The following LPAR1 variants were observed in gnomAD, a reference collection of about 807,000 sequenced individuals.
The protein encoded by LPAR1 is LPA receptor 1.
In LPAR1, 5 loss-of-function variants were observed where a neutral mutation model predicts 23.8. The observed-to-expected ratio is 0.21, with a 90% CI of 0.11 to 0.44. LPAR1 has a LOEUF of 0.44. LPAR1 is among the 20% of genes least tolerant of loss of function. The probability of loss-of-function intolerance (pLI) is 0.99; values close to 1 mark genes in which losing one functional copy is unlikely to be tolerated. For missense variants in LPAR1, 311 were observed against 482.8 expected (o/e 0.64, Z 3.33); for synonymous variants, 160 against 164.7 (o/e 0.97, Z 0.22).
chr9:110,938,576 A>G (rs1487136725), intron 5 of LPAR1, among the ~76,000 whole-genome samples: 2 of 152,060 alleles, frequency 1.3e-5, no homozygotes, highest in Non-Finnish European at 2.9e-5. Flanking sequence ...GTGGGGGCCC[A>G]GGCATGGTGG....
intron 5 of LPAR1, among the ~76,000 whole-genome samples, chr9:110,931,411 T>TG (rs1434107777): frequency 6.6e-6 from 1 of 152,232 alleles, no homozygotes; most frequent in Non-Finnish European, 1.5e-5. Context: ...GTCATACTCA[T>TG]TAACAGAGAG....
At chr9:110,984,606 C>A (rs1271376168) in intron 2 of LPAR1, among the ~76,000 whole-genome samples, 1 of 152,004 alleles carries the variant, frequency 6.6e-6, no homozygotes, top group African/African-American at 2.4e-5. Context: ...AGTGAGATTG[C>A]TGGATCATAT....
rs140878877 is a variant in LPAR1, at chr9:110,964,459, A to C, written c.45+7614T>G. 3.7e-4 allele frequency among the ~76,000 whole-genome samples: 57 copies of C among 152,340 alleles called. No individual in the cohort carries two copies. The Middle Eastern group carries it at 0.014, about 36-fold the overall frequency. ...TAAGCAAATTATTTTTTAGATATGC[A>C]TATTAACATAAGGGGATTTTTTAAA... On this transcript the variant is annotated intron_variant, in intron 4 of 5. Coordinates refer to ENST00000683809, the MANE Select transcript of LPAR1 (RefSeq NM_001351411.2).
At chr9:110,911,790 T>C (rs1479053451) in intron 5 of LPAR1, among the ~76,000 whole-genome samples, 2 of 152,162 alleles carry the variant, frequency 1.3e-5, no homozygotes, top group African/African-American at 4.8e-5. Context: ...CCAAAAAATT[T>C]GTGTGACTCA....
At chr9:110,961,617 CAAAAAAAAAAAAA>C (rs57773067) in intron 4 of LPAR1, among the ~76,000 whole-genome samples, 1 of 79,864 alleles carries the variant, frequency 1.3e-5, no homozygotes, top group Non-Finnish European at 2.4e-5. Context: ...GAGACTATCT[CAAAAAAAAAAAAA>C]AAAAAAAAAA....
At chr9:110,919,001 AC>A (rs1337060653) in intron 5 of LPAR1, among the ~76,000 whole-genome samples, 6 of 152,124 alleles carry the variant, frequency 3.9e-5, no homozygotes, top group Non-Finnish European at 7.4e-5. Context: ...TGTGAGCAGA[AC>A]CTGTAACTTG....
intron 2 of LPAR1, among the ~76,000 whole-genome samples, chr9:111,026,777 G>A (rs983063040): frequency 1.3e-5 from 2 of 152,182 alleles, no homozygotes; most frequent in Non-Finnish European, 2.9e-5. Flanking sequence ...TGCATCTATT[G>A]AGATAATCAT....
intron 5 of LPAR1, among the ~76,000 whole-genome samples, chr9:110,876,598 T>C (rs1279464918): frequency 6.6e-6 from 1 of 152,242 alleles, no homozygotes; most frequent in African/African-American, 2.4e-5. Flanking sequence ...AGAGTTTCTG[T>C]TCTTAGAGGC....
At chr9:110,910,216 G>A (rs1485949762) in intron 5 of LPAR1, among the ~76,000 whole-genome samples, 1 of 152,076 alleles carries the variant, frequency 6.6e-6, no homozygotes, top group Non-Finnish European at 1.5e-5. Context: ...CGGCTGGTGT[G>A]TCTTTAAGCA....
At chr9:110,984,048 A>G (rs776589869) in intron 2 of LPAR1, among the ~76,000 whole-genome samples, 2 of 152,022 alleles carry the variant, frequency 1.3e-5, no homozygotes, top group Admixed American at 6.6e-5. Context: ...TGCAATATGT[A>G]ATAGTCACAT....
In LPAR1 at chr9:110,887,134, T is replaced by G. The variant is rs542915378; in HGVS notation, c.794-11412A>C. 5.3e-5 allele frequency among the ~76,000 whole-genome samples: 8 copies of G among 152,284 alleles called. No homozygotes were observed. In the South Asian group the frequency reaches 1.7e-3, roughly 32 times the overall value. On this transcript the variant is annotated intron_variant, in intron 5 of 5. Transcript: ENST00000683809. ...GAAAATGCTCATAGAATGTAGCTGATGACAAAATCCTGTGGATTTTTTTTC... is the reference window on the plus strand; with the variant it reads ...GAAAATGCTCATAGAATGTAGCTGAGGACAAAATCCTGTGGATTTTTTTTC...
chr9:110,983,099 A>G (rs1016466932), intron 2 of LPAR1, among the ~76,000 whole-genome samples: 4 of 152,104 alleles, frequency 2.6e-5, no homozygotes, highest in Non-Finnish European at 4.4e-5. Context: ...AAAACAGTAT[A>G]GAGGTTCCTC....
intron 4 of LPAR1, among the ~76,000 whole-genome samples, chr9:110,951,785 C>G (rs1005778581): frequency 4.6e-5 from 7 of 151,888 alleles, no homozygotes; most frequent in Non-Finnish European, 1.0e-4. Flanking sequence ...AAAAATCACA[C>G]ATGTGCCTAA....
At chr9:110,936,189 G>C (rs1011204878) in intron 5 of LPAR1, among the ~76,000 whole-genome samples, 28 of 152,180 alleles carry the variant, frequency 1.8e-4, no homozygotes, top group African/African-American at 6.8e-4. Flanking sequence ...TACATCATAA[G>C]CTCTGTAAAG....
intron 5 of LPAR1, among the ~76,000 whole-genome samples, chr9:110,913,934 C>T (rs984523665): frequency 5.9e-5 from 9 of 152,256 alleles, no homozygotes; most frequent in Middle Eastern, 3.4e-3. Flanking sequence ...CTGGCTATTA[C>T]CAGACTGTAT....
intron 2 of LPAR1, among the ~76,000 whole-genome samples, chr9:110,997,246 C>G (rs531606501): frequency 6.6e-6 from 1 of 152,194 alleles, no homozygotes; most frequent in South Asian, 2.1e-4. Flanking sequence ...AGTTTTGGGG[C>G]CCCATCTACT....
intron 2 of LPAR1, among the ~76,000 whole-genome samples, chr9:111,033,864 C>T (rs1012313242): frequency 1.4e-4 from 22 of 152,166 alleles, no homozygotes; most frequent in African/African-American, 4.6e-4. Flanking sequence ...CTTCTTTTTC[C>T]TGTCTGTCTC....
rs147927842 is a variant in LPAR1, at chr9:111,012,640, A to G, written c.-182+23482T>C. 6.9e-4 allele frequency among the ~76,000 whole-genome samples: 105 copies of G among 152,194 alleles called. No homozygotes were observed. In the East Asian group the frequency reaches 0.015, roughly 22 times the overall value. ...AGCTTGTCCCCTAAAGAAGAAAACA[A>G]TATCTGGGATGTGGTAGGAGGATGA... On this transcript the variant is annotated intron_variant, in intron 2 of 5. Transcript: ENST00000683809.
At chr9:110,977,881 AAGGAAGGAAGGAAGGAAGGAAG>A (rs1184395869) in intron 2 of LPAR1, among the ~76,000 whole-genome samples, 2 of 149,202 alleles carry the variant, frequency 1.3e-5, no homozygotes, top group Non-Finnish European at 1.5e-5. Context: ...GGAAGGAAGG[AAGGAAGGAAGGAAGGAAGGAAG>A]GAAGGAAAGA....
Sources: gnomAD v4.1 joint callset for allele counts (sites outside exome capture counted in the v4.1 genomes callset) on GRCh38, gnomAD v4.1.1 for gene constraint, MANE v1.5 for transcripts, NCBI Gene and HGNC (gene_info 2026-07-23, HGNC 2026-07-21) for gene names.